TRIT1: variants seen among roughly 807,000 people sequenced by gnomAD.
The protein encoded by TRIT1 is tRNA dimethylallyltransferase.
Under a neutral mutation model 51.2 loss-of-function variants are expected in TRIT1, and 43 were observed. That is an observed-to-expected ratio of 0.84 (90% CI 0.66 to 1.08). TRIT1 has a LOEUF of 1.08. Among genes scored for constraint, TRIT1 ranks in the 50% least tolerant of loss-of-function variants. The pLI, the probability that TRIT1 is intolerant of heterozygous loss-of-function variation, is 0.00. For synonymous variants in TRIT1, 184 were observed against 203.9 expected (o/e 0.90, Z 0.83); for missense variants, 528 against 578.4 (o/e 0.91, Z 0.89).
At chr1:39,866,012 G>A (rs544194579) in intron 1 of TRIT1, among the ~76,000 whole-genome samples, 2 of 138,630 alleles carry the variant, frequency 1.4e-5, no homozygotes, top group Admixed American at 1.5e-4. Context: ...GAAAGGGAAG[G>A]AAAAGAAAAG....
intron 1 of TRIT1, among the ~76,000 whole-genome samples, chr1:39,865,023 T>C (rs1238967505): frequency 6.6e-6 from 1 of 152,214 alleles, no homozygotes; most frequent in African/African-American, 2.4e-5. Flanking sequence ...ACCACAACCT[T>C]GGATTATGGC....
rs1477713672 is a variant in TRIT1 at position 39,839,389 on chromosome 1, G to C, written c.*2355C>G. On this transcript the variant is annotated 3_prime_UTR_variant, in exon 11 of 11. Coordinates refer to ENST00000316891, the MANE Select transcript of TRIT1 (RefSeq NM_017646.6). Reference sequence around the variant, plus strand: ...CCAGCTTTGCCTTGCTCTGTGACTGGAACATCCATGTTTTAGGCCTCAGTT... The same window carrying C: ...CCAGCTTTGCCTTGCTCTGTGACTGCAACATCCATGTTTTAGGCCTCAGTT... Among the ~76,000 whole-genome samples, 1 of 152,170 alleles carries C rather than the reference G, an allele frequency of 6.6e-6. No homozygotes were observed. Among genetic ancestry groups the C allele is most frequent in the Non-Finnish European group, 1.5e-5 (1 of 68,022 alleles).
At position 39,843,504 on chromosome 1, in the gene TRIT1, G is replaced by A. The variant is rs148873268; in HGVS notation, c.1234+597C>T. Reference sequence around the variant, plus strand: ...AGAGCCTTAGGGTGGGGCTGGCCCTGAGGTGGTGGGGAACTAACCTTCTTT... The same window carrying A: ...AGAGCCTTAGGGTGGGGCTGGCCCTAAGGTGGTGGGGAACTAACCTTCTTT... On this transcript the variant is annotated intron_variant, in intron 10 of 10. Transcript: ENST00000316891. 5.7e-3 allele frequency among the ~76,000 whole-genome samples: 875 copies of A among 152,300 alleles called. 10 individuals carry two copies. The highest frequency in any genetic ancestry group is 0.019 in the African/African-American group (792 of 41,552).
intron 5 of TRIT1, 64 bp downstream of exon 5, chr1:39,850,055 A>G: frequency 2.5e-6 from 4 of 1,572,054 alleles, no homozygotes; most frequent in South Asian, 2.3e-5. Context: ...AGCATTTTCT[A>G]TACAGTAACT....
intron 1 of TRIT1, 127 bp downstream of exon 1, chr1:39,883,191 A>G: frequency 1.0e-6 from 1 of 974,116 alleles, no homozygotes; most frequent in East Asian, 2.7e-5. Context: ...CTTAGTAAGT[A>G]TGGGCTCCCT....
At chr1:39,845,395 C>T (rs1256997538) in intron 8 of TRIT1, among the ~76,000 whole-genome samples, 1 of 152,236 alleles carries the variant, frequency 6.6e-6, no homozygotes, top group East Asian at 1.9e-4. Context: ...CACTAAACTG[C>T]CTTCCACAAC....
intron 1 of TRIT1, among the ~76,000 whole-genome samples, chr1:39,869,385 G>C (rs987696010): frequency 6.6e-6 from 1 of 152,252 alleles, no homozygotes; most frequent in South Asian, 2.1e-4. Flanking sequence ...GATTGCAGAC[G>C]GAGTCTTGCT....
intron 10 of TRIT1, 46 bp downstream of exon 10, chr1:39,844,055 T>C: frequency 7.2e-7 from 1 of 1,393,586 alleles, no homozygotes; most frequent in Non-Finnish European, 1.0e-6. Flanking sequence ...GAAGTCAATG[T>C]GAACCCACCC....
chr1:39,862,749 T>C, intron 1 of TRIT1: 1 of 984,738 alleles, frequency 1.0e-6, no homozygotes, highest in South Asian at 4.7e-5. Context: ...CTAGAAAACA[T>C]TCACATGTGA....
intron 1 of TRIT1, among the ~76,000 whole-genome samples, chr1:39,861,014 T>G (rs1005661617): frequency 6.6e-6 from 1 of 152,162 alleles, no homozygotes; most frequent in Admixed American, 6.5e-5. Context: ...ACGGCAGAAG[T>G]TGCAGTGAGC....
At chr1:39,860,324 G>C (rs985304133) in intron 1 of TRIT1, among the ~76,000 whole-genome samples, 4 of 152,300 alleles carry the variant, frequency 2.6e-5, no homozygotes, top group Admixed American at 2.6e-4. Context: ...GGGTGATACA[G>C]ACTAGACATC....
At chr1:39,850,769 TTG>T (rs1642515664) in intron 4 of TRIT1, among the ~76,000 whole-genome samples, 1 of 152,182 alleles carries the variant, frequency 6.6e-6, no homozygotes, top group Non-Finnish European at 1.5e-5. Flanking sequence ...TTGGGACACT[TTG>T]TAACAAGCCA....
intron 10 of TRIT1, among the ~76,000 whole-genome samples, chr1:39,842,984 C>T (rs1398877380): frequency 6.6e-6 from 1 of 152,190 alleles, no homozygotes; most frequent in East Asian, 1.9e-4. Context: ...AAGGCTCACA[C>T]ATGTTGCTTC....
chr1:39,846,523 G>A (rs1428693899), intron 8 of TRIT1, among the ~76,000 whole-genome samples: 1 of 152,222 alleles, frequency 6.6e-6, no homozygotes, highest in Non-Finnish European at 1.5e-5. Context: ...GTATAAAGGA[G>A]TGTGGACTCT....
rs187949560 is a variant in TRIT1, at chr1:39,841,702, C to A, written c.*42G>T. 2 of 1,572,758 alleles carry A rather than the reference C, an allele frequency of 1.3e-6. No individual in the cohort carries two copies. The highest frequency in any genetic ancestry group is 2.4e-5 in the South Asian group (2 of 83,756). On this transcript the variant is annotated 3_prime_UTR_variant, in exon 11 of 11. Coordinates refer to ENST00000316891, the MANE Select transcript of TRIT1 (RefSeq NM_017646.6). ...GACAAACATACCCCTCCCTCCTGAA[C>A]TGGATCCCCACCACCTTTCCAAAGG...
intron 1 of TRIT1, among the ~76,000 whole-genome samples, chr1:39,866,093 AAAGG>A (rs150669999): frequency 0.82 from 120,280 of 147,406 alleles, 50,452 homozygotes; most frequent in Middle Eastern, 0.93. Flanking sequence ...AGGAAAGAAG[AAAGG>A]AAGGAAGGAA....
chr1:39,842,164 C>T (rs1641947504), intron 10 of TRIT1, among the ~76,000 whole-genome samples: 1 of 152,182 alleles, frequency 6.6e-6, no homozygotes, highest in Admixed American at 6.5e-5. Context: ...ATCACCAATC[C>T]TCATGGCAGT....
chr1:39,842,678 C>T (rs764983165), intron 10 of TRIT1, among the ~76,000 whole-genome samples: 10 of 152,200 alleles, frequency 6.6e-5, no homozygotes, highest in Non-Finnish European at 1.3e-4. Flanking sequence ...TTTTCACTAT[C>T]CTGTTCTTTT....
In TRIT1 at chr1:39,844,536, T is replaced by C; in HGVS notation, c.1111A>G (p.Ile371Val). 1 of 1,612,744 alleles carries C rather than the reference T, an allele frequency of 6.2e-7. No individual in the cohort carries two copies. The change falls in exon 9 of 11, where the codon ATC (isoleucine) becomes GTC (valine). Residue 371 changes from isoleucine to valine, a missense_variant. Around this residue, in one of 3 missense-constraint regions of TRIT1, gnomAD observed 468 missense variants for 522.6 expected, o/e 0.90. Transcript: ENST00000316891. ...EPALEIVQSF[I>V]QGHKPTATPI... ...GTATCATGATTCATAATTACCTGGA[T>C]GAAACTTTGCACGATTTCAAGAGCA...
Sources: allele counts gnomAD v4.1 joint callset (sites outside exome capture counted in the v4.1 genomes callset), GRCh38; gene constraint gnomAD v4.1.1; regional missense constraint gnomAD v4.1.1; transcripts MANE v1.5; gene names NCBI Gene and HGNC (gene_info 2026-07-23, HGNC 2026-07-21).